The following SWI5 variants were observed in gnomAD, a reference collection of about 807,000 sequenced individuals.
SWI5 encodes the protein DNA repair protein SWI5 homolog.
SWI5 carries 12 observed loss-of-function variants against 17.0 expected under a neutral mutation model. The observed-to-expected ratio is 0.71, with a 90% CI of 0.45 to 1.14. The LOEUF (loss-of-function observed/expected upper bound fraction) is 1.14, where lower values mean the gene tolerates loss of function less well. SWI5 is among the 50% of genes most tolerant of loss of function. SWI5 has a pLI of 0.00. For missense variants in SWI5, 158 were observed against 162.2 expected, an observed-to-expected ratio of 0.97 and a Z score of 0.14; for synonymous variants, 61 against 64.0, an observed-to-expected ratio of 0.95 and a Z score of 0.22.
At chr9:128,276,161 C>A, upstream of SWI5, 1 of 1,570,764 alleles carries the variant, frequency 6.4e-7, no homozygotes, top group Non-Finnish European at 8.6e-7. Flanking sequence ...GCGGCGTGGC[C>A]AGAGGGACCT....
At chr9:128,278,109 CGCCT>C (rs1564372722) in intron 2 of SWI5, among the ~76,000 whole-genome samples, 1 of 152,010 alleles carries the variant, frequency 6.6e-6, no homozygotes. Context: ...TGTGCCATGA[CGCCT>C]GGCTAATTTT....
rs766049606 is a variant in SWI5, at chr9:128,276,316, G to C, written c.-25G>C. On this transcript the variant is annotated 5_prime_UTR_variant, in exon 1 of 5. Transcript: ENST00000418976. ...TCAGAGTTCCTGGCCCGGTGCACCT[G>C]AGAGGTCGCTCTCCGACTCCCGCGC... The C allele has an allele frequency of 1.5e-5, 25 of 1,613,054 alleles. 1 individual carries two copies. The Middle Eastern group carries it at 5.0e-4, about 32-fold the overall frequency.
chr9:128,288,975 G>T lies in SWI5; in HGVS notation c.*259G>T, dbSNP rs2286816. ...ACATGTACTTTATTTGTCAATAAAC[G>T]TATCTGTACACTGATTCCCTCTTCT... On this transcript the variant is annotated 3_prime_UTR_variant, in exon 5 of 5. Transcript: ENST00000418976. 1.5e-5 allele frequency: 8 copies of T among 540,384 alleles called. No homozygotes were observed. The East Asian group carries it at 1.9e-4, about 13-fold the overall frequency. The allele number at this position is 540,384 out of a possible 1,614,324, so 33.5% of individuals were successfully genotyped here.
chr9:128,287,315 C>T (rs1831658593), intron 4 of SWI5, among the ~76,000 whole-genome samples: 1 of 151,338 alleles, frequency 6.6e-6, no homozygotes, highest in South Asian at 2.1e-4. Flanking sequence ...TGTGGTGGCA[C>T]ATGCCTGTAA....
exon 5 of SWI5, chr9:128,288,768 A>G: frequency 6.3e-7 from 1 of 1,599,882 alleles, no homozygotes; most frequent in Non-Finnish European, 8.6e-7. Context: ...GGGTGTGGAC[A>G]TGATAAACAC....
At chr9:128,288,496 T>C (rs767367216) in intron 4 of SWI5, among the ~76,000 whole-genome samples, 156 bp from the exon 5 acceptor site, 1 of 152,124 alleles carries the variant, frequency 6.6e-6, no homozygotes, top group Non-Finnish European at 1.5e-5. Flanking sequence ...GCAGGGAGCT[T>C]ACCTTGGCCA....
At chr9:128,282,681 C>T (rs1831559460) in intron 2 of SWI5, among the ~76,000 whole-genome samples, 3 of 152,218 alleles carry the variant, frequency 2.0e-5, no homozygotes, top group Non-Finnish European at 4.4e-5. Context: ...TCACTCATTC[C>T]TCTGAGTGAC....
chr9:128,287,737 T>C (rs1433836796), intron 4 of SWI5, among the ~76,000 whole-genome samples: 1 of 151,828 alleles, frequency 6.6e-6, no homozygotes, highest in Admixed American at 6.6e-5. Context: ...AATTTTTGTA[T>C]TTTTAGTAGA....
In SWI5 at chr9:128,286,963, T is replaced by G. The variant is rs375681042; in HGVS notation, c.328+930T>G. ...GATTTCAAGACCAGCCTGACCAACA[T>G]GGAGAAACTGTCTCTACTAAAAATA... On this transcript the variant is annotated intron_variant, in intron 4 of 4. Coordinates refer to ENST00000418976, the Ensembl canonical transcript of SWI5. Among the ~76,000 whole-genome samples, 7 of 151,446 alleles carry G rather than the reference T, an allele frequency of 4.6e-5. No homozygotes were observed. The East Asian group carries it at 7.8e-4, about 17-fold the overall frequency.
exon 1 of SWI5, chr9:128,276,321 G>A: frequency 6.2e-7 from 1 of 1,613,130 alleles, no homozygotes; most frequent in Non-Finnish European, 8.5e-7. Flanking sequence ...CACCTGAGAG[G>A]TCGCTCTCCG....
intron 4 of SWI5, among the ~76,000 whole-genome samples, chr9:128,288,266 G>A (rs963490419): frequency 6.6e-6 from 1 of 152,192 alleles, no homozygotes; most frequent in Non-Finnish European, 1.5e-5. Context: ...AGTCTGGAAT[G>A]TTCAGCAGGC....
At chr9:128,286,117 T>A in intron 4 of SWI5, 84 bp downstream of exon 4, 2 of 1,024,896 alleles carry the variant, frequency 2.0e-6, no homozygotes, top group Non-Finnish European at 1.5e-6. Context: ...CTCCTGGGCC[T>A]CCCAGCTTGC....
chr9:128,285,071 G>A lies in SWI5; in HGVS notation c.233+440G>A, dbSNP rs974130143. Among the ~76,000 whole-genome samples, 1 of 152,084 alleles carries A rather than the reference G, an allele frequency of 6.6e-6. No individual in the cohort carries two copies. The highest frequency in any genetic ancestry group is 6.6e-5 in the Admixed American group (1 of 15,256). On this transcript the variant is annotated intron_variant, in intron 3 of 4. Coordinates refer to ENST00000418976, the Ensembl canonical transcript of SWI5. The surrounding 1 kb of genome is among the most constrained non-coding windows in gnomAD (Gnocchi z 4.8). ...ACTGTGCGCTACTCAGGAGGCTGAG[G>A]CAGGAGAATCGCTTGAACCTGGCAG...
upstream of SWI5, chr9:128,275,629 C>CG: frequency 6.2e-6 from 4 of 641,932 alleles, no homozygotes; most frequent in South Asian, 2.5e-5. Flanking sequence ...GGTCGGACTT[C>CG]GGGGGGCAGG....
Position 128,276,257 on chromosome 9 carries a change from G to A in SWI5, c.-84G>A, listed in dbSNP as rs149957696. The A allele has an allele frequency of 6.2e-7, 1 of 1,612,634 alleles. No individual in the cohort carries two copies. Among genetic ancestry groups the A allele is most frequent in the East Asian group, 2.2e-5 (1 of 44,830 alleles). ...CGGGGCCGGCTTTCCTTGGGTGCGC[G>A]CGCAGCTTTCTGTGCGCCAGTTCAC... On this transcript the variant is annotated 5_prime_UTR_variant, in exon 1 of 5. Transcript: ENST00000418976.
rs1831615753 is a variant in SWI5 at position 128,285,169 on chromosome 9, A to AGAGAAAGAGGGCGAGAGG, written c.233+543_233+560dup. On this transcript the variant is annotated intron_variant, in intron 3 of 4. Transcript: ENST00000418976. The surrounding 1 kb of genome is among the most constrained non-coding windows in gnomAD (Gnocchi z 4.8). The stretch of plus-strand genomic sequence containing the variant: ...CTACAGAGCGAGACTTGGTAAAGAA[A>AGAGAAAGAGGGCGAGAGG]GAGAAAGAGGGCGAGAGGGAGAGAG... 1.3e-5 allele frequency among the ~76,000 whole-genome samples: 2 copies of AGAGAAAGAGGGCGAGAGG among 151,696 alleles called. No homozygotes were observed. Among genetic ancestry groups the AGAGAAAGAGGGCGAGAGG allele is most frequent in the East Asian group, 1.9e-4 (1 of 5,180 alleles).
intron 4 of SWI5, chr9:128,286,329 G>A (rs1197535309): frequency 5.5e-6 from 2 of 362,210 alleles, no homozygotes; most frequent in Non-Finnish European, 5.2e-6. Context: ...CCTACTCAGA[G>A]TGATCAAGAT....
At chr9:128,287,638 T>C (rs1357083611) in intron 4 of SWI5, among the ~76,000 whole-genome samples, 2 of 139,718 alleles carry the variant, frequency 1.4e-5, no homozygotes, top group Non-Finnish European at 3.0e-5. Flanking sequence ...CTCGGCTCCC[T>C]GCAACCTCCA....
intron 1 of SWI5, 71 bp from the exon 2 acceptor site, chr9:128,276,636 A>C: frequency 6.2e-7 from 1 of 1,613,388 alleles, no homozygotes. Context: ...CTCCTCCCGC[A>C]TCCCCACAGT....
Sources: gnomAD v4.1 joint callset for allele counts (sites outside exome capture counted in the v4.1 genomes callset) on GRCh38, gnomAD v4.1.1 for gene constraint, Gnocchi (gnomAD v3.1) non-coding constraint, MANE v1.5 for transcripts, NCBI Gene and HGNC (gene_info 2026-07-23, HGNC 2026-07-21) for gene names.